Variants in PTK2 observed in about 807,000 individuals in gnomAD.
The protein encoded by PTK2 is protein tyrosine kinase 2.
A neutral mutation model predicts 150.1 loss-of-function variants in PTK2; 45 were observed. That is an observed-to-expected ratio of 0.30 (90% confidence interval 0.24 to 0.38). PTK2 has a LOEUF of 0.38. Ranked by LOEUF, PTK2 falls within the 10% of genes least tolerant of loss-of-function variation. The pLI, the probability that PTK2 is intolerant of heterozygous loss-of-function variation, is 1.00. For synonymous variants in PTK2, 432 were observed against 449.2 expected, an observed-to-expected ratio of 0.96 and a Z score of 0.48; for missense variants, 919 against 1,307.3, an observed-to-expected ratio of 0.70 and a Z score of 4.58.
chr8:140,752,935 T>A (rs1042954831), intron 16 of PTK2, among the ~76,000 whole-genome samples: 1 of 152,154 alleles, frequency 6.6e-6, no homozygotes, highest in African/African-American at 2.4e-5. Flanking sequence ...AGGGTGAAGA[T>A]GACAGAGTCA....
At chr8:140,832,774 C>T (rs548851654) in intron 7 of PTK2, 10 of 512,586 alleles carry the variant, frequency 2.0e-5, no homozygotes, top group Non-Finnish European at 7.8e-6. Flanking sequence ...GGGTGGGCAT[C>T]AACAGTTCTG....
At chr8:140,773,156 A>G (rs1298746661) in intron 14 of PTK2, among the ~76,000 whole-genome samples, 3 of 152,254 alleles carry the variant, frequency 2.0e-5, no homozygotes, top group Non-Finnish European at 2.9e-5. Context: ...TTTTTAAAAA[A>G]GTACAACTCT....
Position 140,702,695 on chromosome 8 carries a change from G to A in PTK2, c.2242C>T (p.Pro748Ser), listed in dbSNP as rs1591198931. 3 of 1,613,898 alleles carry A rather than the reference G, an allele frequency of 1.9e-6. No homozygotes were observed. In the South Asian group the frequency reaches 3.3e-5, roughly 18 times the overall value. Residue 748 changes from proline (P) to serine (S), a missense_variant, in exon 25 of 32, where the codon CCT (proline) becomes TCT (serine). Physicochemically the swap from Pro to Ser is moderately conservative, Grantham distance 74. Transcript: ENST00000522684. Reference sequence around the variant, plus strand: ...ATGGCTGTGATTCCATGTGAACCAGGGTAGCCAGAAACCTGTGAATGAGTA... The same window carrying A: ...ATGGCTGTGATTCCATGTGAACCAGAGTAGCCAGAAACCTGTGAATGAGTA...
chr8:140,741,301 A>G (rs566074724), intron 20 of PTK2, among the ~76,000 whole-genome samples: 1 of 151,272 alleles, frequency 6.6e-6, no homozygotes, highest in African/African-American at 2.4e-5. Context: ...TAAAAATACA[A>G]AAAATTAGCC....
At chr8:140,861,219 C>T (rs2100135880) in intron 5 of PTK2, among the ~76,000 whole-genome samples, 1 of 152,004 alleles carries the variant, frequency 6.6e-6, no homozygotes, top group African/African-American at 2.4e-5. Flanking sequence ...CATCATGGCA[C>T]GCACCTGTAG....
chr8:140,990,608 G>T (rs547522645), intron 1 of PTK2, among the ~76,000 whole-genome samples: 2 of 152,168 alleles, frequency 1.3e-5, no homozygotes, highest in South Asian at 4.2e-4. Context: ...TATTATTTTT[G>T]CTTTCATTGA....
chr8:140,957,733 C>T (rs2100181679), intron 1 of PTK2, among the ~76,000 whole-genome samples: 1 of 152,154 alleles, frequency 6.6e-6, no homozygotes, highest in South Asian at 2.1e-4. Flanking sequence ...CACACACTTA[C>T]CACTGTGTTA....
chr8:140,793,296 A>G (rs1447219892), intron 13 of PTK2, 58 bp downstream of exon 13: 10 of 1,553,370 alleles, frequency 6.4e-6, no homozygotes, highest in Non-Finnish European at 8.8e-6. Context: ...TAAAGCATAG[A>G]AATTTCCTTA....
chr8:140,868,326 T>TTCTTACAATAGACTTCC (rs2100140564), intron 4 of PTK2, among the ~76,000 whole-genome samples: 1 of 152,230 alleles, frequency 6.6e-6, no homozygotes, highest in Non-Finnish European at 1.5e-5. Flanking sequence ...GAACAGTCTG[T>TTCTTACAATAGACTTCC]TCTTACAATA....
intron 31 of PTK2, among the ~76,000 whole-genome samples, chr8:140,660,102 A>G (rs2077288722): frequency 6.6e-6 from 1 of 152,144 alleles, no homozygotes; most frequent in African/African-American, 2.4e-5. Context: ...ATGCAGATCC[A>G]GCATCTTGTT....
rs1350671567 is a variant in PTK2 at position 140,699,925 on chromosome 8, T to C, written c.2499+966A>G. Among the ~76,000 whole-genome samples, 3 of 152,142 alleles carry C rather than the reference T, an allele frequency of 2.0e-5. No individual in the cohort carries two copies. The East Asian group carries it at 5.8e-4, about 29-fold the overall frequency. ...AAATGGACAGGTCCACATTCCTCTA[T>C]CCTCATTTCCAAAACCTAAAAAGTG... On this transcript the variant is annotated intron_variant, in intron 26 of 31. Coordinates refer to ENST00000522684, the Ensembl canonical transcript of PTK2.
At chr8:140,948,628 T>C (rs920808139) in intron 1 of PTK2, 2 of 152,178 alleles carry the variant, frequency 1.3e-5, no homozygotes, top group Non-Finnish European at 2.9e-5. Flanking sequence ...ACAGGTCATT[T>C]AAAACAGAGA....
chr8:140,682,527 C>T (rs2100017648), intron 27 of PTK2, among the ~76,000 whole-genome samples: 3 of 125,148 alleles, frequency 2.4e-5, no homozygotes, highest in Admixed American at 1.6e-4. Flanking sequence ...TGGCTTATTA[C>T]TAAAAGGCCT....
At chr8:140,664,802 T>C (rs977182257) in intron 31 of PTK2, 115 bp downstream of exon 35, 8 of 1,024,870 alleles carry the variant, frequency 7.8e-6, no homozygotes, top group African/African-American at 6.3e-5. Context: ...TGTAGGGCAG[T>C]TGATGTCTCT....
In PTK2 at chr8:140,837,634, T is replaced by C. The variant is rs142253093; in HGVS notation, c.594-7108A>G. Among the ~76,000 whole-genome samples, 684 of 151,744 alleles carry C rather than the reference T, an allele frequency of 4.5e-3. 4 individuals are homozygous for C. Among genetic ancestry groups the C allele is most frequent in the African/African-American group, 0.016 (647 of 41,340 alleles). ...ATCCCTGATACTTGGGTGGCTGAGGTAGGAGAATCACTTGCACCTGGGAGG... is the reference window on the plus strand; with the variant it reads ...ATCCCTGATACTTGGGTGGCTGAGGCAGGAGAATCACTTGCACCTGGGAGG... On this transcript the variant is annotated intron_variant, in intron 7 of 31. Transcript: ENST00000522684.
intron 1 of PTK2, among the ~76,000 whole-genome samples, chr8:140,999,773 T>A (rs1231406783): frequency 4.6e-5 from 7 of 152,288 alleles, no homozygotes; most frequent in South Asian, 4.1e-4. Context: ...CTCTGGTATT[T>A]CATTTCAAAT....
At chr8:140,680,440 G>A (rs956921487) in intron 27 of PTK2, among the ~76,000 whole-genome samples, 2 of 152,118 alleles carry the variant, frequency 1.3e-5, no homozygotes, top group Non-Finnish European at 2.9e-5. Context: ...ATGTTGGCCA[G>A]GCTGGTCTCG....
At chr8:140,818,431 T>C (rs909883838) in intron 9 of PTK2, 77 bp from the exon 10 acceptor site, 2 of 1,309,946 alleles carry the variant, frequency 1.5e-6, no homozygotes, top group African/African-American at 1.5e-5. Context: ...GCCGTGGATA[T>C]GTTAAAGGAC....
At chr8:140,839,697 C>T (rs1157305124) in intron 7 of PTK2, among the ~76,000 whole-genome samples, 1 of 151,762 alleles carries the variant, frequency 6.6e-6, no homozygotes, top group Non-Finnish European at 1.5e-5. Flanking sequence ...AGAGAGAATC[C>T]AGAGAGACAG....
Sources: gnomAD v4.1 joint callset for allele counts (sites outside exome capture counted in the v4.1 genomes callset) on GRCh38, gnomAD v4.1.1 for gene constraint, MANE v1.5 for transcripts, NCBI Gene and HGNC (gene_info 2026-07-23, HGNC 2026-07-21) for gene names.